PTPRZ1: variants seen among roughly 807,000 people sequenced by gnomAD.
PTPRZ1 encodes protein tyrosine phosphatase receptor type Z1.
PTPRZ1 carries 82 observed loss-of-function variants against 214.1 expected under a neutral mutation model. That is an observed-to-expected ratio of 0.38 (90% CI 0.32 to 0.46). The LOEUF is 0.46. PTPRZ1 is among the 20% of genes least tolerant of loss of function. PTPRZ1 has a pLI of 1.00. For missense variants in PTPRZ1, 2,603 were observed against 2,748.7 expected, an observed-to-expected ratio of 0.95 and a Z score of 1.19; for synonymous variants, 945 against 987.9, an observed-to-expected ratio of 0.96 and a Z score of 0.81.
intron 1 of PTPRZ1, among the ~76,000 whole-genome samples, chr7:121,896,079 G>C (rs183952723): frequency 3.4e-4 from 52 of 152,236 alleles, no homozygotes; most frequent in African/African-American, 1.2e-3. Context: ...GCTGGACTTT[G>C]AATTTCCAAC....
At chr7:122,051,285 T>A in intron 23 of PTPRZ1, 143 bp from the exon 24 acceptor site, 1 of 479,944 alleles carries the variant, frequency 2.1e-6, no homozygotes. Flanking sequence ...TTCAAGGAAT[T>A]GTTGGAAAAC....
chr7:121,926,617 A>T (rs1299082885), intron 1 of PTPRZ1, among the ~76,000 whole-genome samples: 1 of 152,146 alleles, frequency 6.6e-6, no homozygotes, highest in Non-Finnish European at 1.5e-5. Flanking sequence ...TATAGTCAAA[A>T]ATATTAGTGT....
intron 4 of PTPRZ1, among the ~76,000 whole-genome samples, chr7:121,973,628 T>C (rs1797325595): frequency 6.6e-6 from 1 of 152,146 alleles, no homozygotes; most frequent in Non-Finnish European, 1.5e-5. Context: ...GGGATTGACT[T>C]ATTACTCATA....
At chr7:121,900,629 A>G (rs1229471446) in intron 1 of PTPRZ1, among the ~76,000 whole-genome samples, 1 of 152,188 alleles carries the variant, frequency 6.6e-6, no homozygotes, top group Non-Finnish European at 1.5e-5. Flanking sequence ...CATCTCTAGG[A>G]TATAGATAAG....
chr7:121,991,121 GTTTC>G (rs1332686344), intron 8 of PTPRZ1, among the ~76,000 whole-genome samples: 2 of 152,176 alleles, frequency 1.3e-5, no homozygotes, highest in African/African-American at 4.8e-5. Context: ...CCAAGCTTCA[GTTTC>G]TTCACCTATA....
chr7:122,017,719 G>A (rs886877251), intron 12 of PTPRZ1, among the ~76,000 whole-genome samples: 2 of 151,608 alleles, frequency 1.3e-5, no homozygotes, highest in Admixed American at 6.6e-5. Flanking sequence ...GCACCACCAC[G>A]CCTGGCTAAT....
At position 121,961,658 on chromosome 7, in the gene PTPRZ1, G is replaced by A. The variant is rs184440216; in HGVS notation, c.125-6293G>A. Among the ~76,000 whole-genome samples the A allele has an allele frequency of 3.7e-3, 564 of 152,292 alleles. 2 individuals carry two copies. Among genetic ancestry groups the A allele is most frequent in the Non-Finnish European group, 5.8e-3 (397 of 68,020 alleles). On this transcript the variant is annotated intron_variant, in intron 2 of 29. Transcript: ENST00000393386. Reference sequence around the variant, plus strand: ...TCCGCTTGGAATAGAGGATGCATACGTATGCAAATATTGAAGACATTCATT... The same window carrying A: ...TCCGCTTGGAATAGAGGATGCATACATATGCAAATATTGAAGACATTCATT...
chr7:122,048,330 GGAAA>G (rs1238725013), intron 23 of PTPRZ1, among the ~76,000 whole-genome samples: 1 of 151,730 alleles, frequency 6.6e-6, no homozygotes, highest in African/African-American at 2.4e-5. Flanking sequence ...GATGAAGGGA[GGAAA>G]GAATGTGAGT....
intron 8 of PTPRZ1, among the ~76,000 whole-genome samples, chr7:121,986,764 A>G (rs529059907): frequency 6.6e-6 from 1 of 152,314 alleles, no homozygotes; most frequent in East Asian, 1.9e-4. Flanking sequence ...CTCAAAATAG[A>G]CTCACTCATT....
chr7:122,023,932 A>C (rs1799129605), intron 13 of PTPRZ1, among the ~76,000 whole-genome samples: 1 of 150,164 alleles, frequency 6.7e-6, no homozygotes, highest in Non-Finnish European at 1.5e-5. Context: ...TGTGATGAAA[A>C]GGCGTAAACC....
Position 122,013,906 on chromosome 7 carries a change from A to T in PTPRZ1, c.4843+17A>T, listed in dbSNP as rs777359319. The T allele has an allele frequency of 6.4e-7, 1 of 1,569,840 alleles. No individual in the cohort carries two copies. Among genetic ancestry groups the T allele is most frequent in the Non-Finnish European group, 8.7e-7 (1 of 1,154,882 alleles). On this transcript the variant is annotated intron_variant, in intron 12 of 29. Coordinates refer to ENST00000393386, the MANE Select transcript of PTPRZ1 (RefSeq NM_002851.3). ...CAGAGGCAGGTTAGTTACGGATCAG[A>T]AGGACAGATTGAGGTGTGGTGGTTT...
intron 27 of PTPRZ1, among the ~76,000 whole-genome samples, chr7:122,056,550 A>G (rs1230768792): frequency 6.6e-6 from 1 of 151,880 alleles, no homozygotes; most frequent in African/African-American, 2.4e-5. Context: ...TAGACAAGTG[A>G]AGGTCTATGC....
At chr7:122,017,558 T>G (rs1364856407) in intron 12 of PTPRZ1, among the ~76,000 whole-genome samples, 1 of 150,078 alleles carries the variant, frequency 6.7e-6, no homozygotes, top group Non-Finnish European at 1.5e-5. Flanking sequence ...TTTATTTATT[T>G]ATTTATTTAT....
intron 13 of PTPRZ1, among the ~76,000 whole-genome samples, chr7:122,022,448 G>A (rs1296771593): frequency 1.3e-5 from 2 of 152,216 alleles, no homozygotes; most frequent in African/African-American, 2.4e-5. Context: ...AGGTAAGAAA[G>A]ATGGGAGAAG....
At position 121,896,695 on chromosome 7, in the gene PTPRZ1, C is replaced by G. The variant is rs189501757; in HGVS notation, c.58+23138C>G. Among the ~76,000 whole-genome samples the G allele has an allele frequency of 2.6e-3, 393 of 151,950 alleles. 1 individual carries two copies. Among genetic ancestry groups the G allele is most frequent in the African/African-American group, 8.4e-3 (349 of 41,466 alleles). On this transcript the variant is annotated intron_variant, in intron 1 of 29. Transcript: ENST00000393386. ...GGCTGAGGCAGGAGAATGGCGTGAACCCAGGAGGCGGAGCTTGCAATGAGC... is the reference window on the plus strand; with the variant it reads ...GGCTGAGGCAGGAGAATGGCGTGAAGCCAGGAGGCGGAGCTTGCAATGAGC...
At chr7:122,021,555 A>G (rs1799017475) in intron 13 of PTPRZ1, among the ~76,000 whole-genome samples, 1 of 152,096 alleles carries the variant, frequency 6.6e-6, no homozygotes, top group Admixed American at 6.6e-5. Context: ...AAACATAGTG[A>G]GACCTCCATC....
rs918791226 is a variant in PTPRZ1, at chr7:121,965,817, G to T, written c.125-2134G>T. Among the ~76,000 whole-genome samples the T allele has an allele frequency of 5.9e-5, 9 of 152,178 alleles. No individual in the cohort carries two copies. In the South Asian group the frequency reaches 8.3e-4, roughly 14 times the overall value. ...AAGAGAAGATTCTGAAAACCAGATA[G>T]AAGGCACTAGTGGAGTCTAAGCCAG... On this transcript the variant is annotated intron_variant, in intron 2 of 29. Coordinates refer to ENST00000393386, the MANE Select transcript of PTPRZ1 (RefSeq NM_002851.3).
intron 1 of PTPRZ1, among the ~76,000 whole-genome samples, chr7:121,926,545 C>T (rs1038922912): frequency 2.6e-5 from 4 of 151,874 alleles, no homozygotes; most frequent in Middle Eastern, 3.2e-3. Context: ...AGAAGGTGGT[C>T]GCAAAAGGCC....
chr7:121,920,341 TAAC>T (rs1405552565), intron 1 of PTPRZ1, among the ~76,000 whole-genome samples: 2 of 152,190 alleles, frequency 1.3e-5, no homozygotes, highest in African/African-American at 4.8e-5. Flanking sequence ...TAGCATATAA[TAAC>T]ATAATACATA....
Sources: allele counts gnomAD v4.1 joint callset (sites outside exome capture counted in the v4.1 genomes callset), GRCh38; gene constraint gnomAD v4.1.1; transcripts MANE v1.5; gene names NCBI Gene and HGNC (gene_info 2026-07-23, HGNC 2026-07-21).